Variants in ARL14EPL observed in about 807,000 individuals in gnomAD.
ARL14EPL encodes ARL14 effector protein-like.
ARL14EPL carries 17 observed loss-of-function variants against 15.9 expected under a neutral mutation model. The observed-to-expected ratio is 1.07, with a 90% confidence interval of 0.73 to 1.60. The LOEUF is 1.60. Ranked by LOEUF, ARL14EPL falls within the 40% of genes most tolerant of loss-of-function variation. ARL14EPL has a pLI of 0.00. For synonymous variants in ARL14EPL, 78 were observed against 63.8 expected (o/e 1.22, Z -1.06); for missense variants, 214 against 185.9 (o/e 1.15, Z -0.88).
chr5:116,056,530 G>C (rs1749521575), intron 3 of ARL14EPL, among the ~76,000 whole-genome samples: 1 of 152,154 alleles, frequency 6.6e-6, no homozygotes, highest in Non-Finnish European at 1.5e-5. Context: ...TGTGTTCTTT[G>C]TAGATTCTGG....
chr5:116,036,289 T>A (rs1749048702), intron 1 of ARL14EPL, among the ~76,000 whole-genome samples: 1 of 152,210 alleles, frequency 6.6e-6, no homozygotes, highest in Admixed American at 6.5e-5. Flanking sequence ...ACCATTACAC[T>A]CTGAGAAGCC....
intron 1 of ARL14EPL, among the ~76,000 whole-genome samples, chr5:116,047,776 AGG>A (rs150048179): frequency 0.56 from 85,130 of 151,736 alleles, 25,179 homozygotes; most frequent in Middle Eastern, 0.67. Flanking sequence ...CTACACAGAT[AGG>A]GTGGAGGAAA....
chr5:116,058,136 C>A (rs1749563652), intron 3 of ARL14EPL, among the ~76,000 whole-genome samples: 1 of 152,172 alleles, frequency 6.6e-6, no homozygotes, highest in African/African-American at 2.4e-5. Context: ...CTCCTTTCTC[C>A]CTCCTCACTG....
intron 2 of ARL14EPL, among the ~76,000 whole-genome samples, chr5:116,052,873 T>C (rs1380047513): frequency 7.2e-5 from 11 of 152,214 alleles, no homozygotes; most frequent in Non-Finnish European, 1.2e-4. Context: ...TGTCAGCCTA[T>C]ATGTTTTTGT....
chr5:116,051,546 T>C lies in ARL14EPL; in HGVS notation c.81T>C (p.Ile27=). ...GTTTTCCTGAGAAGAACTGTCAAAT[T>C]GGACAGAAACAACTGGTATGGCACA... ...DHSFPEKNCQ[I]GQKQLQQIER... Residue 27 remains isoleucine (I), a synonymous_variant, in exon 2 of 4, where the codon ATT becomes ATC. Transcript: ENST00000686077. The C allele has an allele frequency of 6.5e-7, 1 of 1,533,438 alleles. No individual in the cohort carries two copies. The highest frequency in any genetic ancestry group is 2.4e-5 in the East Asian group (1 of 40,904). The allele number at this position is 1,533,438 out of a possible 1,614,324, so 95.0% of individuals were successfully genotyped here.
At chr5:116,051,253 G>A (rs1302408767) in intron 1 of ARL14EPL, 16 of 464,112 alleles carry the variant, frequency 3.4e-5, no homozygotes, top group East Asian at 3.1e-4. Flanking sequence ...TGGAACCCCC[G>A]GCAGAGGAGA....
At chr5:116,054,304 G>A (rs1441183548) in intron 3 of ARL14EPL, among the ~76,000 whole-genome samples, 151 bp downstream of exon 3, 2 of 152,078 alleles carry the variant, frequency 1.3e-5, no homozygotes, top group Non-Finnish European at 2.9e-5. Flanking sequence ...CTGGACGTTA[G>A]CAACCTTAAG....
intron 2 of ARL14EPL, chr5:116,052,159 C>G (rs986674168): frequency 1.4e-5 from 23 of 1,610,856 alleles, no homozygotes; most frequent in Middle Eastern, 1.6e-4. Context: ...AGTTATTGAG[C>G]TTGTCCCGAA....
chr5:116,054,095 C>T lies in ARL14EPL; in HGVS notation c.178C>T (p.Gln60Ter). 2 of 1,535,714 alleles carry T rather than the reference C, an allele frequency of 1.3e-6. No individual in the cohort carries two copies. The highest frequency in any genetic ancestry group is 1.7e-6 in the Non-Finnish European group (2 of 1,146,676). ...AGCAGACTTTAATCCTGAAACAAGG[C>T]AGCAGAAAAAGAAAGCCCGGATGTC... Reference protein sequence around the residue: ...QVADFNPETRQQKKKARMSKM... With the variant: ...QVADFNPETR Residue 60 changes from glutamine to a stop codon, truncating the protein, a stop_gained, in exon 3 of 4, where the codon CAG becomes TAG. Coordinates refer to ENST00000686077, the MANE Select transcript of ARL14EPL (RefSeq NM_001195581.2). LOFTEE classifies it high-confidence loss of function.
In ARL14EPL at chr5:116,058,749, T is replaced by A. The variant is rs894489540; in HGVS notation, c.261T>A (p.Ser87Arg). 1 of 1,535,176 alleles carries A rather than the reference T, an allele frequency of 6.5e-7. No individual in the cohort carries two copies. Among genetic ancestry groups the A allele is most frequent in the Non-Finnish European group, 8.7e-7 (1 of 1,146,914 alleles). ...GAATAATGAGGAAGTATGACAAAAG[T>A]GGCAGGCTCATCTGTAATGACGCTG... ...KYKIMRKYDK[S>R]GRLICNDADL... Residue 87 changes from serine to arginine, a missense_variant, in exon 4 of 4, where the codon AGT becomes AGA. Transcript: ENST00000686077.
chr5:116,053,153 G>A (rs60419815), intron 2 of ARL14EPL, among the ~76,000 whole-genome samples: 3,230 of 152,196 alleles, frequency 0.021, 112 homozygotes, highest in African/African-American at 0.074. Context: ...TTCAAGGCCA[G>A]CCTGGGCAAC....
chr5:116,044,381 C>T (rs531275698), intron 1 of ARL14EPL, among the ~76,000 whole-genome samples: 367 of 152,188 alleles, frequency 2.4e-3, no homozygotes, highest in African/African-American at 8.4e-3. Context: ...TAGTATACGT[C>T]TTAGACACTG....
intron 1 of ARL14EPL, among the ~76,000 whole-genome samples, chr5:116,042,120 A>C (rs1749171543): frequency 6.6e-6 from 1 of 152,088 alleles, no homozygotes; most frequent in South Asian, 2.1e-4. Flanking sequence ...TGTGAGCCAC[A>C]ATGTCTGACC....
Position 116,051,512 on chromosome 5 carries a change from C to T in ARL14EPL, c.47C>T (p.Thr16Ile). Residue 16 changes from threonine to isoleucine, a missense_variant, in exon 2 of 4, where the codon ACA becomes ATA. By Grantham distance (89) the Thr-to-Ile change is moderately conservative. Coordinates refer to ENST00000686077, the MANE Select transcript of ARL14EPL (RefSeq NM_001195581.2). ...AACAATTCCATTCAAGAGAGACACA[C>T]AGATCATAGTTTTCCTGAGAAGAAC... ...EKNNSIQERH[T>I]DHSFPEKNCQ... The T allele has an allele frequency of 6.5e-7, 1 of 1,535,688 alleles. No individual in the cohort carries two copies. Among genetic ancestry groups the T allele is most frequent in the Admixed American group, 2.0e-5 (1 of 50,992 alleles).
intron 3 of ARL14EPL, among the ~76,000 whole-genome samples, chr5:116,055,333 T>C (rs1321951636): frequency 2.6e-5 from 4 of 152,246 alleles, no homozygotes; most frequent in Admixed American, 6.5e-5. Flanking sequence ...AAAAGTCTAA[T>C]ACATGTATAG....
At chr5:116,045,165 T>A (rs895806086) in intron 1 of ARL14EPL, among the ~76,000 whole-genome samples, 1 of 152,182 alleles carries the variant, frequency 6.6e-6, no homozygotes, top group Non-Finnish European at 1.5e-5. Flanking sequence ...TATTCGTGTG[T>A]TATGCTTAAG....
chr5:116,050,754 C>A (rs566121740), intron 1 of ARL14EPL, among the ~76,000 whole-genome samples: 7 of 149,972 alleles, frequency 4.7e-5, no homozygotes, highest in African/African-American at 1.5e-4. Context: ...GACTGTCACT[C>A]ATGATTACCA....
chr5:116,041,615 G>C (rs1475231978), intron 1 of ARL14EPL, among the ~76,000 whole-genome samples: 2 of 152,062 alleles, frequency 1.3e-5, no homozygotes, highest in East Asian at 3.9e-4. Flanking sequence ...GAAGCTACTG[G>C]AGTGCACTTT....
intron 1 of ARL14EPL, among the ~76,000 whole-genome samples, chr5:116,048,200 A>G (rs1308364888): frequency 6.6e-6 from 1 of 152,188 alleles, no homozygotes; most frequent in Non-Finnish European, 1.5e-5. Context: ...GCAATCTGAC[A>G]CAATGTCAGG....
Sources: allele counts gnomAD v4.1 joint callset (sites outside exome capture counted in the v4.1 genomes callset), GRCh38; gene constraint gnomAD v4.1.1; transcripts MANE v1.5; gene names NCBI Gene and HGNC (gene_info 2026-07-23, HGNC 2026-07-21).